Variants in TOP3A observed in about 807,000 individuals in gnomAD.
TOP3A encodes DNA topoisomerase III alpha, also known as DNA topoisomerase 3-alpha.
A neutral mutation model predicts 111.3 loss-of-function variants in TOP3A; 64 were observed. The observed-to-expected ratio is 0.57, with a 90% confidence interval of 0.47 to 0.71. TOP3A has a LOEUF of 0.71. Among genes scored for constraint, TOP3A ranks in the 30% least tolerant of loss-of-function variants. The pLI, the probability that TOP3A is intolerant of heterozygous loss-of-function variation, is 0.00. For synonymous variants in TOP3A, 484 were observed against 485.1 expected, an observed-to-expected ratio of 1.00 and a Z score of 0.03; for missense variants, 1,104 against 1,285.0, an observed-to-expected ratio of 0.86 and a Z score of 2.15.
Position 18,291,031 on chromosome 17 carries a change from G to A in TOP3A, c.1282-4C>T. 1 of 1,613,696 alleles carries A rather than the reference G, an allele frequency of 6.2e-7. No homozygotes were observed. Among genetic ancestry groups the A allele is most frequent in the Non-Finnish European group, 8.5e-7 (1 of 1,179,822 alleles). On this transcript the variant is annotated splice_region_variant and splice_polypyrimidine_tract_variant and intron_variant, in intron 11 of 18. Coordinates refer to ENST00000321105, the MANE Select transcript of TOP3A (RefSeq NM_004618.5). ...CGTACAGTCGCTGTTCATCTCCCTA[G>A]GAAGAAAAGAGGAGTACGAAACTCC... is the stretch of plus-strand genomic sequence containing the variant.
At chr17:18,302,007 A>T in intron 7 of TOP3A, 22 bp from the exon 8 acceptor site, 1 of 1,600,552 alleles carries the variant, frequency 6.2e-7, no homozygotes, top group South Asian at 1.1e-5. Context: ...AGAGACAAAC[A>T]GAAAGGCTGT....
chr17:18,306,983 A>C lies in TOP3A; in HGVS notation c.315-17T>G. On this transcript the variant is annotated splice_polypyrimidine_tract_variant and intron_variant, in intron 3 of 18. Transcript: ENST00000321105. ...CAGCTCTGCCTAGAAAAGAAATGAAAACAGAGTCCCAACTCAGTACATGAC... is the reference window on the plus strand; with the variant it reads ...CAGCTCTGCCTAGAAAAGAAATGAACACAGAGTCCCAACTCAGTACATGAC... 1 of 1,597,706 alleles carries C rather than the reference A, an allele frequency of 6.3e-7. No individual in the cohort carries two copies. Among genetic ancestry groups the C allele is most frequent in the Non-Finnish European group, 8.6e-7 (1 of 1,166,378 alleles).
At chr17:18,309,574 G>T (rs1981785876) in intron 1 of TOP3A, among the ~76,000 whole-genome samples, 1 of 151,922 alleles carries the variant, frequency 6.6e-6, no homozygotes, top group Non-Finnish European at 1.5e-5. Flanking sequence ...AGCCCAGGAG[G>T]TGGACGTTGC....
chr17:18,275,139 T>C (rs548017816), intron 18 of TOP3A, among the ~76,000 whole-genome samples, 159 bp from the exon 19 acceptor site: 1 of 151,978 alleles, frequency 6.6e-6, no homozygotes, highest in South Asian at 2.1e-4. Flanking sequence ...GGCAACATGG[T>C]GAAACCTTGT....
chr17:18,308,485 C>A, intron 2 of TOP3A, 61 bp from the exon 3 acceptor site: 1 of 1,165,554 alleles, frequency 8.6e-7, no homozygotes, highest in Non-Finnish European at 1.2e-6. Context: ...TCTGCCAAAT[C>A]ATTAAAATGA....
At chr17:18,296,899 G>A (rs1323495070) in intron 9 of TOP3A, among the ~76,000 whole-genome samples, 1 of 152,130 alleles carries the variant, frequency 6.6e-6, no homozygotes, top group African/African-American at 2.4e-5. Flanking sequence ...CTGTTCTAAA[G>A]TAGGTTCATA....
intron 8 of TOP3A, among the ~76,000 whole-genome samples, chr17:18,300,490 C>A (rs901915273): frequency 6.6e-6 from 1 of 151,992 alleles, no homozygotes; most frequent in Admixed American, 6.6e-5. Context: ...CACGTAGTCC[C>A]GCACCACATC....
chr17:18,299,409 A>G (rs1981078469), intron 9 of TOP3A, 150 bp downstream of exon 9: 8 of 743,114 alleles, frequency 1.1e-5, no homozygotes, highest in Non-Finnish European at 1.9e-5. Flanking sequence ...AGTGAGGCTA[A>G]GCAGGACCGT....
chr17:18,275,542 T>C (rs955345864), intron 18 of TOP3A, among the ~76,000 whole-genome samples: 6 of 151,512 alleles, frequency 4.0e-5, no homozygotes, highest in Admixed American at 3.3e-4. Context: ...TTTTTGTATT[T>C]TTAGTAGAGA....
chr17:18,282,296 T>C (rs1472460380), intron 16 of TOP3A, among the ~76,000 whole-genome samples: 1 of 152,174 alleles, frequency 6.6e-6, no homozygotes, highest in Non-Finnish European at 1.5e-5. Context: ...AGTACTGACA[T>C]TTTATAAAAG....
In TOP3A at chr17:18,277,693, C is replaced by A. The variant is rs755462826; in HGVS notation, c.2809G>T (p.Asp937Tyr). The A allele has an allele frequency of 1.2e-6, 2 of 1,609,842 alleles. No homozygotes were observed. Among genetic ancestry groups the A allele is most frequent in the Non-Finnish European group, 1.7e-6 (2 of 1,176,546 alleles). Residue 937 changes from aspartate (D) to tyrosine (Y), a missense_variant, in exon 18 of 19, where the codon GAT becomes TAT. Coordinates refer to ENST00000321105, the MANE Select transcript of TOP3A (RefSeq NM_004618.5). ...EQQCGFFQWV[D>Y]ENTAPGTSGA... ...GCCTCACCTGGAGCGGTGTTCTCATCGACCCACTGGAAAAAGCCACACTGC... is the reference window on the plus strand; with the variant it reads ...GCCTCACCTGGAGCGGTGTTCTCATAGACCCACTGGAAAAAGCCACACTGC...
Position 18,314,683 on chromosome 17 carries a change from G to C in TOP3A, c.96C>G (p.Gly32=), listed in dbSNP as rs1982142028. 5.0e-6 allele frequency: 8 copies of C among 1,612,636 alleles called. No homozygotes were observed. Among genetic ancestry groups the C allele is most frequent in the Non-Finnish European group, 6.8e-6 (8 of 1,179,402 alleles). ...CGGCCACACAGAGGACTTTCCGCAC[G>C]CCTCGGAGGGCCATCTCCATGGCGG... ...SRAAMEMALR[G]VRKVLCVAEK... The change falls in exon 1 of 19, where the codon GGC becomes GGG. Residue 32 remains glycine, a synonymous_variant. Coordinates refer to ENST00000321105, the MANE Select transcript of TOP3A (RefSeq NM_004618.5).
chr17:18,278,190 G>A lies in TOP3A; in HGVS notation c.2312C>T (p.Ser771Phe). ...CTGGCTGTTGTCCATCCTGTTCAGG[G>A]ACTGGTTAGCCTGCAGGCGGCCAGA... ...QPSGRLQANQ[S>F]LNRMDNSQHP... The change falls in exon 18 of 19, where the codon TCC (serine) becomes TTC (phenylalanine). Residue 771 changes from serine to phenylalanine, a missense_variant. Physicochemically the swap from Ser to Phe is radical, Grantham distance 155. Coordinates refer to ENST00000321105, the MANE Select transcript of TOP3A (RefSeq NM_004618.5). 6 of 1,612,040 alleles carry A rather than the reference G, an allele frequency of 3.7e-6. No individual in the cohort carries two copies. Among genetic ancestry groups the A allele is most frequent in the African/African-American group, 1.3e-5 (1 of 74,996 alleles).
Position 18,274,679 on chromosome 17 carries a change from C to T in TOP3A, c.*123G>A. On this transcript the variant is annotated 3_prime_UTR_variant, in exon 19 of 19. Coordinates refer to ENST00000321105, the MANE Select transcript of TOP3A (RefSeq NM_004618.5). ...CCCTTAACACAAGAAGGCCCGACTC[C>T]AAAGGCCAACACTGTCCTCTAAGTT... 1 of 1,470,444 alleles carries T rather than the reference C, an allele frequency of 6.8e-7. No individual in the cohort carries two copies. 91.1% of individuals were successfully genotyped at this position (1,470,444 alleles called of 1,614,324 possible). A position where few individuals can be genotyped will look rare whatever the true frequency, so the allele number is the denominator to read the frequency against.
chr17:18,279,485 T>C (rs918552912), intron 17 of TOP3A, among the ~76,000 whole-genome samples: 2 of 87,298 alleles, frequency 2.3e-5, no homozygotes, highest in African/African-American at 1.2e-4. Flanking sequence ...CTCGATCTCC[T>C]GACCTCGTGA....
rs1980565781 is a variant in TOP3A, at chr17:18,292,828, T to C, written c.1098A>G (p.Glu366=). ...TTAAGTCTCTGGGAAAAATGTTTGT[T>C]TCTGTTCGGGGATAGCTGATGTACC... The part of the protein sequence containing the change: ...TQGYISYPRT[E]TNIFPRDLNL... The change falls in exon 11 of 19, where the codon GAA becomes GAG. Residue 366 remains glutamate (E), a synonymous_variant. Coordinates refer to ENST00000321105, the MANE Select transcript of TOP3A (RefSeq NM_004618.5). 7 of 1,613,646 alleles carry C rather than the reference T, an allele frequency of 4.3e-6. No individual in the cohort carries two copies. In the Admixed American group the frequency reaches 1.2e-4, roughly 27 times the overall value.
chr17:18,302,262 A>G lies in TOP3A; in HGVS notation c.814+2T>C. 6.2e-7 allele frequency: 1 copy of G among 1,606,754 alleles called. No homozygotes were observed. Reference sequence around the variant, plus strand: ...GGCCATAACACCCACTCCAGGCCCTACCTTTAATTCTGTGGAAGATTTCTG... The same window carrying G: ...GGCCATAACACCCACTCCAGGCCCTGCCTTTAATTCTGTGGAAGATTTCTG... On this transcript the variant is annotated splice_donor_variant, in intron 7 of 18. Coordinates refer to ENST00000321105, the MANE Select transcript of TOP3A (RefSeq NM_004618.5). LOFTEE classifies it high-confidence loss of function.
At chr17:18,281,649 C>T (rs945128724) in intron 16 of TOP3A, among the ~76,000 whole-genome samples, 1 of 152,250 alleles carries the variant, frequency 6.6e-6, no homozygotes. Flanking sequence ...GTGAGTGACG[C>T]GAGCCCTGAC....
At chr17:18,310,635 G>A (rs1407205614) in intron 1 of TOP3A, among the ~76,000 whole-genome samples, 1 of 152,064 alleles carries the variant, frequency 6.6e-6, no homozygotes, top group South Asian at 2.1e-4. Flanking sequence ...TAAGGGGAGT[G>A]ACTGCTTAAT....
Sources: gnomAD v4.1 joint callset for allele counts (sites outside exome capture counted in the v4.1 genomes callset) on GRCh38, gnomAD v4.1.1 for gene constraint, MANE v1.5 for transcripts, NCBI Gene and HGNC (gene_info 2026-07-23, HGNC 2026-07-21) for gene names.